The following CAMK4 variants were observed in gnomAD, a reference collection of about 807,000 sequenced individuals.
CAMK4 encodes calcium/calmodulin dependent protein kinase IV, also known as calcium/calmodulin-dependent protein kinase type IV.
CAMK4 carries 22 observed loss-of-function variants against 44.9 expected under a neutral mutation model. The observed-to-expected ratio is 0.49, with a 90% confidence interval of 0.35 to 0.70. The LOEUF (loss-of-function observed/expected upper bound fraction) is 0.70, where lower values mean the gene tolerates loss of function less well. Ranked by LOEUF, CAMK4 falls within the 30% of genes least tolerant of loss-of-function variation. CAMK4 has a pLI of 0.01. For synonymous variants in CAMK4, 218 were observed against 215.4 expected (o/e 1.01, Z -0.11); for missense variants, 498 against 586.8 (o/e 0.85, Z 1.56).
rs1010987579 is a variant in CAMK4, at chr5:111,284,794, G to A, written c.162-59230G>A. On this transcript the variant is annotated intron_variant, in intron 1 of 10. Coordinates refer to ENST00000282356, the MANE Select transcript of CAMK4 (RefSeq NM_001744.6). Reference sequence around the variant, plus strand: ...CTTTCCAGTATTTCTGATCCCCATGGATAATAAGCAAGTGTGTAGTGAGAT... The same window carrying A: ...CTTTCCAGTATTTCTGATCCCCATGAATAATAAGCAAGTGTGTAGTGAGAT... 2.6e-5 allele frequency among the ~76,000 whole-genome samples: 4 copies of A among 152,132 alleles called. No individual in the cohort carries two copies. In the South Asian group the frequency reaches 8.3e-4, roughly 32 times the overall value.
At chr5:111,293,261 A>G (rs892300803) in intron 1 of CAMK4, among the ~76,000 whole-genome samples, 2 of 152,180 alleles carry the variant, frequency 1.3e-5, no homozygotes, top group Admixed American at 6.5e-5. Flanking sequence ...CTAAGAAGCC[A>G]ATCCTTATTA....
rs1183696472 is a variant in CAMK4, at chr5:111,492,194, T to C, written c.*7728T>C. ...AACATAGGCATTCATGACCTTTGTGTTTCCGTTTGACTTTCAACATCTGTA... is the reference window on the plus strand; with the variant it reads ...AACATAGGCATTCATGACCTTTGTGCTTCCGTTTGACTTTCAACATCTGTA... On this transcript the variant is annotated 3_prime_UTR_variant, in exon 11 of 11. Transcript: ENST00000282356. 1 of 152,132 alleles carries C rather than the reference T, an allele frequency of 6.6e-6. No homozygotes were observed. The highest frequency in any genetic ancestry group is 1.5e-5 in the Non-Finnish European group (1 of 68,016). 9.4% of individuals were successfully genotyped at this position (152,132 alleles called of 1,614,324 possible). A position where few individuals can be genotyped will look rare whatever the true frequency, so the allele number is the denominator to read the frequency against.
At position 111,234,350 on chromosome 5, in the gene CAMK4, G is replaced by A. The variant is rs982281702; in HGVS notation, c.161+9706G>A. Among the ~76,000 whole-genome samples the A allele has an allele frequency of 4.6e-5, 7 of 152,224 alleles. No individual in the cohort carries two copies. The East Asian group carries it at 1.2e-3, about 25-fold the overall frequency. On this transcript the variant is annotated intron_variant, in intron 1 of 10. Transcript: ENST00000282356. ...TGAACGGTTTTGATAAGAACTTACT[G>A]CCATTGTAACCAAAACAGTCACATA...
At chr5:111,287,900 T>C (rs982791348) in intron 1 of CAMK4, among the ~76,000 whole-genome samples, 17 of 152,170 alleles carry the variant, frequency 1.1e-4, no homozygotes, top group African/African-American at 3.9e-4. Context: ...AAATGGGAAA[T>C]TGCCAGCACT....
At chr5:111,228,487 C>T (rs1280278560) in intron 1 of CAMK4, among the ~76,000 whole-genome samples, 1 of 147,032 alleles carries the variant, frequency 6.8e-6, no homozygotes, top group Non-Finnish European at 1.5e-5. Flanking sequence ...GTTTAGGAAC[C>T]AAATAGATTT....
chr5:111,288,233 G>C (rs1429932225), intron 1 of CAMK4, among the ~76,000 whole-genome samples: 1 of 152,090 alleles, frequency 6.6e-6, no homozygotes, highest in Non-Finnish European at 1.5e-5. Context: ...CAGTTGGCTT[G>C]GGTCCACATT....
chr5:111,361,210 G>T (rs1400656568), intron 2 of CAMK4, among the ~76,000 whole-genome samples: 1 of 151,912 alleles, frequency 6.6e-6, no homozygotes, highest in East Asian at 1.9e-4. Flanking sequence ...ATACTTTCAG[G>T]AGTATTATTT....
At chr5:111,331,479 T>G (rs550444447) in intron 1 of CAMK4, among the ~76,000 whole-genome samples, 1 of 151,806 alleles carries the variant, frequency 6.6e-6, no homozygotes, top group Non-Finnish European at 1.5e-5. Context: ...ATACCCTGCT[T>G]GTGGGAATGA....
intron 2 of CAMK4, among the ~76,000 whole-genome samples, chr5:111,358,825 T>C (rs1182729204): frequency 6.6e-6 from 1 of 152,080 alleles, no homozygotes; most frequent in Non-Finnish European, 1.5e-5. Context: ...CGGTATTTAG[T>C]TTTCTGTTAC....
At chr5:111,403,928 G>A (rs749839093) in intron 5 of CAMK4, among the ~76,000 whole-genome samples, 11 of 152,212 alleles carry the variant, frequency 7.2e-5, no homozygotes, top group East Asian at 3.9e-4. Context: ...TTTTCTGATC[G>A]TCTTCGTTAA....
rs191407036 is a variant in CAMK4 at position 111,476,890 on chromosome 5, T to G, written c.702-1491T>G. Among the ~76,000 whole-genome samples, 3 of 152,272 alleles carry G rather than the reference T, an allele frequency of 2.0e-5. No homozygotes were observed. In the East Asian group the frequency reaches 5.8e-4, roughly 29 times the overall value. ...CTCTGTCACCAAAGCAAAAAGTCAC[T>G]GATAGGAATGAAATGAGAGAAAAGG... On this transcript the variant is annotated intron_variant, in intron 8 of 10. Transcript: ENST00000282356.
chr5:111,408,351 C>T (rs754271090), intron 5 of CAMK4, among the ~76,000 whole-genome samples: 4 of 152,194 alleles, frequency 2.6e-5, no homozygotes, highest in African/African-American at 9.6e-5. Flanking sequence ...TGGCAGAAGG[C>T]AAAGGAGAAG....
intron 1 of CAMK4, among the ~76,000 whole-genome samples, chr5:111,343,565 C>T (rs991110525): frequency 6.6e-6 from 1 of 151,732 alleles, no homozygotes; most frequent in African/African-American, 2.4e-5. Context: ...GGAGGGGTGT[C>T]CCAGCTCTCT....
chr5:111,351,267 T>C (rs948040133), intron 2 of CAMK4, among the ~76,000 whole-genome samples: 2 of 152,154 alleles, frequency 1.3e-5, no homozygotes, highest in Non-Finnish European at 2.9e-5. Context: ...CTAGATGTAC[T>C]GTATTAACTG....
chr5:111,356,905 A>G (rs372597065), intron 2 of CAMK4, among the ~76,000 whole-genome samples: 1 of 151,960 alleles, frequency 6.6e-6, no homozygotes. Flanking sequence ...GAAAACAAAC[A>G]CTATAATTCA....
At chr5:111,308,175 C>A (rs1748014216) in intron 1 of CAMK4, among the ~76,000 whole-genome samples, 1 of 136,906 alleles carries the variant, frequency 7.3e-6, no homozygotes, top group Non-Finnish European at 1.5e-5. Flanking sequence ...GGGTGCAGCG[C>A]ACCAGCATGG....
chr5:111,317,577 TTGAACTTACA>T (rs1201480045), intron 1 of CAMK4, among the ~76,000 whole-genome samples: 1 of 152,082 alleles, frequency 6.6e-6, no homozygotes, highest in East Asian at 1.9e-4. Flanking sequence ...TACAAAGAGT[TTGAACTTACA>T]TGATCCTTAT....
At chr5:111,347,692 A>G (rs983403540) in intron 2 of CAMK4, among the ~76,000 whole-genome samples, 1 of 151,930 alleles carries the variant, frequency 6.6e-6, no homozygotes, top group Non-Finnish European at 1.5e-5. Context: ...TCTTCTTATA[A>G]AAACACCAGT....
chr5:111,313,114 G>A (rs765623051), intron 1 of CAMK4, among the ~76,000 whole-genome samples: 2 of 152,066 alleles, frequency 1.3e-5, no homozygotes, highest in Admixed American at 6.6e-5. Flanking sequence ...CTCAAACTCA[G>A]CACTGCTCGC....
Sources: gnomAD v4.1 joint callset for allele counts (sites outside exome capture counted in the v4.1 genomes callset) on GRCh38, gnomAD v4.1.1 for gene constraint, MANE v1.5 for transcripts, NCBI Gene and HGNC (gene_info 2026-07-23, HGNC 2026-07-21) for gene names.